MTBP: variants seen among roughly 807,000 people sequenced by gnomAD.
The protein encoded by MTBP is MDM2 binding protein.
A neutral mutation model predicts 117.0 loss-of-function variants in MTBP; 101 were observed. The ratio of observed to expected loss-of-function variants is 0.86; its 90% CI spans 0.73 to 1.02. The LOEUF is 1.02. Ranked by LOEUF, MTBP falls within the 50% of genes least tolerant of loss-of-function variation. The pLI, the probability that MTBP is intolerant of heterozygous loss-of-function variation, is 0.00. For missense variants in MTBP, 970 were observed against 1,030.9 expected (o/e 0.94, Z 0.81); for synonymous variants, 350 against 351.5 (o/e 1.00, Z 0.05).
At chr8:120,469,350 T>C (rs972514585) in intron 10 of MTBP, among the ~76,000 whole-genome samples, 2 of 152,198 alleles carry the variant, frequency 1.3e-5, no homozygotes, top group African/African-American at 4.8e-5. Flanking sequence ...CTGGCCTTAT[T>C]GAGCTTTCTA....
intron 19 of MTBP, 126 bp from the exon 20 acceptor site, chr8:120,518,578 A>C (rs1055305976): frequency 3.5e-6 from 2 of 574,144 alleles, no homozygotes; most frequent in Non-Finnish European, 6.0e-6. Flanking sequence ...TTTTGTCTTA[A>C]TGAACCTGTC....
At chr8:120,453,034 A>G (rs1813392001) in intron 4 of MTBP, among the ~76,000 whole-genome samples, 1 of 152,166 alleles carries the variant, frequency 6.6e-6, no homozygotes. Context: ...CATATAGATA[A>G]AACTAATAAG....
rs766278613 is a variant in MTBP, at chr8:120,509,990, C to T, written c.1940C>T (p.Pro647Leu). Residue 647 changes from proline (P) to leucine (L), a missense_variant, in exon 17 of 22, where the codon CCT becomes CTT. Physicochemically the swap from Pro to Leu is moderately conservative, Grantham distance 98. Transcript: ENST00000305949. ...AGTCCTGGGAAACTTCAGGTCTTAC[C>T]TTTTGAGAAAGCCTCAGTATGTCAT... ...ELSPGKLQVL[P>L]FEKASVCHYH... 9 of 1,612,240 alleles carry T rather than the reference C, an allele frequency of 5.6e-6. No individual in the cohort carries two copies. The Admixed American group carries it at 6.7e-5, about 12-fold the overall frequency.
chr8:120,502,489 T>G lies in MTBP; in HGVS notation c.1610-3T>G. On this transcript the variant is annotated splice_region_variant and splice_polypyrimidine_tract_variant and intron_variant, in intron 14 of 21. Transcript: ENST00000305949. ...AGACTTATGTGTATTTCTTTCACTTTAGATTTTAGTCCAGTGGAACCTAAT... is the reference window on the plus strand; with the variant it reads ...AGACTTATGTGTATTTCTTTCACTTGAGATTTTAGTCCAGTGGAACCTAAT... 6.4e-7 allele frequency: 1 copy of G among 1,561,638 alleles called. No individual in the cohort carries two copies. The highest frequency in any genetic ancestry group is 8.7e-7 in the Non-Finnish European group (1 of 1,150,990).
intron 10 of MTBP, 69 bp downstream of exon 10, chr8:120,463,830 A>G: frequency 1.4e-6 from 2 of 1,400,038 alleles, no homozygotes; most frequent in East Asian, 2.3e-5. Flanking sequence ...ATGTGTAAGA[A>G]AAGGGAATGT....
chr8:120,484,760 T>G (rs1379479826), intron 11 of MTBP, among the ~76,000 whole-genome samples: 1 of 152,222 alleles, frequency 6.6e-6, no homozygotes, highest in African/African-American at 2.4e-5. Flanking sequence ...TTAGGGCATC[T>G]TAATCTCCCC....
intron 7 of MTBP, 105 bp downstream of exon 7, chr8:120,456,775 G>C (rs958875206): frequency 1.4e-5 from 10 of 715,838 alleles, no homozygotes; most frequent in Non-Finnish European, 2.4e-5. Flanking sequence ...AGATATTCTA[G>C]AATAGCACTA....
intron 8 of MTBP, among the ~76,000 whole-genome samples, chr8:120,459,560 A>T (rs1468520953): frequency 6.6e-6 from 1 of 152,166 alleles, no homozygotes; most frequent in Non-Finnish European, 1.5e-5. Flanking sequence ...AAAAAATGTA[A>T]TGCTACTAAA....
intron 2 of MTBP, among the ~76,000 whole-genome samples, chr8:120,447,521 C>T (rs760139969): frequency 2.6e-5 from 4 of 151,964 alleles, no homozygotes; most frequent in Non-Finnish European, 2.9e-5. Context: ...TTCCCCCTTG[C>T]GTGTTTAGGG....
Position 120,506,926 on chromosome 8 carries a change from T to G in MTBP, c.1883+65T>G, listed in dbSNP as rs919281477. The G allele has an allele frequency of 6.7e-5, 92 of 1,381,812 alleles. 2 individuals are homozygous for G. In the South Asian group the frequency reaches 1.4e-3, roughly 21 times the overall value. The allele number at this position is 1,381,812 out of a possible 1,614,324, so 85.6% of individuals were successfully genotyped here. A position where few individuals can be genotyped will look rare whatever the true frequency, so the allele number is the denominator to read the frequency against. The stretch of plus-strand genomic sequence containing the variant: ...AATTACTTTTAAATAAAATTGTGTC[T>G]CATTTCCTTATTAATTGATGTCCTA... On this transcript the variant is annotated intron_variant, in intron 16 of 21. Coordinates refer to ENST00000305949, the MANE Select transcript of MTBP (RefSeq NM_022045.5).
intron 4 of MTBP, chr8:120,452,952 C>T (rs545309005): frequency 5.9e-5 from 9 of 151,748 alleles, no homozygotes; most frequent in South Asian, 2.1e-4. Context: ...GTTTCTAAGA[C>T]GGTGGGTTTA....
chr8:120,501,052 G>A (rs1258995942), intron 14 of MTBP, among the ~76,000 whole-genome samples: 4 of 152,110 alleles, frequency 2.6e-5, no homozygotes, highest in Non-Finnish European at 5.9e-5. Context: ...TTAGCCGGGC[G>A]TGGTGGTGCG....
chr8:120,478,023 A>G (rs1813984171), intron 11 of MTBP, among the ~76,000 whole-genome samples: 1 of 152,224 alleles, frequency 6.6e-6, no homozygotes, highest in South Asian at 2.1e-4. Flanking sequence ...TCAATGATAG[A>G]CTGGATAAAG....
chr8:120,484,695 T>G (rs1814172733), intron 11 of MTBP, among the ~76,000 whole-genome samples: 1 of 152,202 alleles, frequency 6.6e-6, no homozygotes, highest in East Asian at 1.9e-4. Context: ...AGTTTACAAT[T>G]CAGTGGCTTT....
In MTBP at chr8:120,517,983, A is replaced by G; in HGVS notation, c.2379A>G (p.Pro793=). The change falls in exon 19 of 22, where the codon CCA becomes CCG. Residue 793 remains proline, a synonymous_variant. Transcript: ENST00000305949. ...TACCAGTGACTTGTCCATTGGTTCC[A>G]ATTCCTAGCTGTGAAACTCCAAAAC... ...RSLPVTCPLV[P]IPSCETPKLA... 1 of 1,612,878 alleles carries G rather than the reference A, an allele frequency of 6.2e-7. No individual in the cohort carries two copies. The highest frequency in any genetic ancestry group is 1.1e-5 in the South Asian group (1 of 91,040).
intron 1 of MTBP, 67 bp from the exon 2 acceptor site, chr8:120,446,366 G>A: frequency 1.1e-6 from 1 of 950,620 alleles, no homozygotes; most frequent in Non-Finnish European, 1.7e-6. Flanking sequence ...CTCTGATGGT[G>A]AAATTGGACT....
At chr8:120,480,672 A>G (rs1814060784) in intron 11 of MTBP, among the ~76,000 whole-genome samples, 1 of 152,136 alleles carries the variant, frequency 6.6e-6, no homozygotes, top group South Asian at 2.1e-4. Context: ...TTGGATATGC[A>G]TATGTAAAAA....
At chr8:120,506,330 G>A (rs574362180) in intron 15 of MTBP, among the ~76,000 whole-genome samples, 1 of 152,000 alleles carries the variant, frequency 6.6e-6, no homozygotes, top group African/African-American at 2.4e-5. Flanking sequence ...GTATTGTGGG[G>A]TTTCAGAACA....
At chr8:120,474,070 T>C (rs772004413) in intron 11 of MTBP, 1 of 152,030 alleles carries the variant, frequency 6.6e-6, no homozygotes, top group Non-Finnish European at 1.5e-5. Flanking sequence ...TGGCCTGATT[T>C]CCATTGTAAT....
Sources: gnomAD v4.1 joint callset for allele counts (sites outside exome capture counted in the v4.1 genomes callset) on GRCh38, gnomAD v4.1.1 for gene constraint, MANE v1.5 for transcripts, NCBI Gene and HGNC (gene_info 2026-07-23, HGNC 2026-07-21) for gene names.